Variants in ARMC2 observed in about 807,000 individuals in gnomAD.
The protein encoded by ARMC2 is armadillo repeat-containing protein 2.
A neutral mutation model predicts 90.3 loss-of-function variants in ARMC2; 67 were observed. The observed-to-expected ratio is 0.74, with a 90% CI of 0.61 to 0.91. The LOEUF is 0.91. Ranked by LOEUF, ARMC2 falls within the 40% of genes least tolerant of loss-of-function variation. ARMC2 has a pLI of 0.00. For synonymous variants in ARMC2, 393 were observed against 393.0 expected, an observed-to-expected ratio of 1.00 and a Z score of 0.00; for missense variants, 920 against 1,030.9, an observed-to-expected ratio of 0.89 and a Z score of 1.47.
At chr6:108,851,819 G>A (rs1001731461) in intron 1 of ARMC2, among the ~76,000 whole-genome samples, 1 of 152,148 alleles carries the variant, frequency 6.6e-6, no homozygotes, top group Non-Finnish European at 1.5e-5. Context: ...TTGCAAAATT[G>A]TTGTGGGGTT....
chr6:108,851,038 T>G (rs913352299), intron 1 of ARMC2, among the ~76,000 whole-genome samples: 17 of 152,240 alleles, frequency 1.1e-4, no homozygotes, highest in African/African-American at 4.1e-4. Flanking sequence ...CTTTCCTTCC[T>G]GCCCATCTCT....
chr6:109,045,380 T>C, the ARMC2 span, among the ~76,000 whole-genome samples: 1 of 152,328 alleles, frequency 6.6e-6, no homozygotes, highest in East Asian at 1.9e-4. Flanking sequence ...CTTTCCAAAA[T>C]GCAGATCTGA....
chr6:108,887,560 C>A (rs1187260274), intron 5 of ARMC2, among the ~76,000 whole-genome samples: 1 of 152,132 alleles, frequency 6.6e-6, no homozygotes, highest in African/African-American at 2.4e-5. Flanking sequence ...CCGCCAAAGG[C>A]CTGATTGCAC....
At chr6:108,921,636 G>C (rs1307301511) in intron 10 of ARMC2, among the ~76,000 whole-genome samples, 1 of 152,164 alleles carries the variant, frequency 6.6e-6, no homozygotes, top group Non-Finnish European at 1.5e-5. Flanking sequence ...ACAGGCTCTG[G>C]TTTTGGCATA....
chr6:108,987,943 C>T, the ARMC2 span, among the ~76,000 whole-genome samples: 1 of 151,798 alleles, frequency 6.6e-6, no homozygotes, highest in Non-Finnish European at 1.5e-5. Context: ...GCTGGGAATA[C>T]AGGTGCATGC....
chr6:108,924,566 C>T (rs1034211175), intron 10 of ARMC2, among the ~76,000 whole-genome samples: 8 of 151,954 alleles, frequency 5.3e-5, no homozygotes, highest in African/African-American at 1.2e-4. Flanking sequence ...GCACTCTGGG[C>T]GGAGGAAGCC....
At chr6:108,969,885 G>GA (rs1778640495) in intron 17 of ARMC2, among the ~76,000 whole-genome samples, 1 of 152,052 alleles carries the variant, frequency 6.6e-6, no homozygotes, top group Non-Finnish European at 1.5e-5. Context: ...TACTAAAAGT[G>GA]AAAAAATTAG....
At chr6:108,986,370 G>GTAGATAGA in the ARMC2 span, 37 of 152,640 alleles carry the variant, frequency 2.4e-4, no homozygotes, top group African/African-American at 8.9e-4. Flanking sequence ...GCTTATGAAA[G>GTAGATAGA]TAGATAGAAA....
At chr6:108,879,887 A>G (rs1453798764) in intron 5 of ARMC2, 1 of 466,404 alleles carries the variant, frequency 2.1e-6, no homozygotes, top group East Asian at 7.0e-5. Context: ...TAATGTATAA[A>G]ATGGAAATAA....
At chr6:108,964,929 A>T in intron 16 of ARMC2, 51 bp from the exon 17 acceptor site, 1 of 1,346,400 alleles carries the variant, frequency 7.4e-7, no homozygotes. Flanking sequence ...TATTAAAATT[A>T]AAGACAGATT....
intron 17 of ARMC2, among the ~76,000 whole-genome samples, chr6:108,967,389 C>T (rs904185969): frequency 5.3e-5 from 8 of 152,150 alleles, no homozygotes; most frequent in African/African-American, 1.4e-4. Flanking sequence ...GCTGCGGGGC[C>T]GGGGCCGTGT....
chr6:108,881,986 CGT>C (rs966741371), intron 5 of ARMC2, among the ~76,000 whole-genome samples: 9 of 151,894 alleles, frequency 5.9e-5, no homozygotes, highest in African/African-American at 1.7e-4. Context: ...TAGGAACCAA[CGT>C]GGGACTTGAG....
intron 17 of ARMC2, among the ~76,000 whole-genome samples, chr6:108,971,173 G>C (rs185868418): frequency 7.6e-4 from 115 of 151,718 alleles, no homozygotes; most frequent in African/African-American, 2.6e-3. Context: ...GCAGTGAGCC[G>C]AGATCACACC....
At chr6:108,979,102 A>G (rs913734400), downstream of ARMC2, among the ~76,000 whole-genome samples, 3 of 152,090 alleles carry the variant, frequency 2.0e-5, no homozygotes, top group Admixed American at 6.6e-5. Flanking sequence ...GGTCTTTACA[A>G]TTTGGTATGT....
the ARMC2 span, chr6:109,000,601 G>A: frequency 1.0e-4 from 164 of 1,611,692 alleles, no homozygotes; most frequent in Middle Eastern, 6.6e-4. Context: ...AGCCACTTGG[G>A]GTCCCCACCA....
rs532230891 is a variant in ARMC2 at position 108,929,927 on chromosome 6, G to A, written c.1496+1694G>A. Among the ~76,000 whole-genome samples, 8 of 152,204 alleles carry A rather than the reference G, an allele frequency of 5.3e-5. No individual in the cohort carries two copies. In the South Asian group the frequency reaches 1.5e-3, roughly 28 times the overall value. On this transcript the variant is annotated intron_variant, in intron 11 of 17. Transcript: ENST00000392644. The stretch of plus-strand genomic sequence containing the variant: ...ATCTGAGATCAGCCTGGGCAACATG[G>A]CGAAATCCCATCTCTAGCGCTGCCC...
intron 5 of ARMC2, among the ~76,000 whole-genome samples, chr6:108,893,528 G>A (rs1771302560): frequency 6.6e-6 from 1 of 152,198 alleles, no homozygotes; most frequent in South Asian, 2.1e-4. Flanking sequence ...CTAAGCTTTT[G>A]TAATCCAAGC....
At chr6:108,990,925 A>G in the ARMC2 span, 1 of 1,159,044 alleles carries the variant, frequency 8.6e-7, no homozygotes, top group Non-Finnish European at 1.2e-6. Flanking sequence ...AATCATTGTC[A>G]TTTGGCTGAC....
chr6:108,994,484 C>T, the ARMC2 span: 2 of 1,612,616 alleles, frequency 1.2e-6, no homozygotes, highest in Admixed American at 3.3e-5. Flanking sequence ...CAAACATACT[C>T]TCTCTTTTTT....
Sources: allele counts gnomAD v4.1 joint callset (sites outside exome capture counted in the v4.1 genomes callset), GRCh38; gene constraint gnomAD v4.1.1; transcripts MANE v1.5; gene names NCBI Gene and HGNC (gene_info 2026-07-23, HGNC 2026-07-21).